Variants in UST observed in about 807,000 individuals in gnomAD.
The protein encoded by UST is uronyl 2-sulfotransferase.
In UST, 21 loss-of-function variants were observed where a neutral mutation model predicts 45.6. The ratio of observed to expected loss-of-function variants is 0.46; its 90% CI spans 0.33 to 0.66. The LOEUF (loss-of-function observed/expected upper bound fraction) is 0.66, where lower values mean the gene tolerates loss of function less well. Ranked by LOEUF, UST falls within the 30% of genes least tolerant of loss-of-function variation. UST has a pLI of 0.02. For missense variants in UST, 463 were observed against 512.4 expected, an observed-to-expected ratio of 0.90 and a Z score of 0.93; for synonymous variants, 215 against 200.6, an observed-to-expected ratio of 1.07 and a Z score of -0.61.
At chr6:148,880,015 C>CA (rs1778795033) in intron 1 of UST, among the ~76,000 whole-genome samples, 1 of 144,592 alleles carries the variant, frequency 6.9e-6, no homozygotes, top group Non-Finnish European at 1.5e-5. Context: ...TGTGCAGTGG[C>CA]ACGATCTCAG....
intron 1 of UST, among the ~76,000 whole-genome samples, chr6:148,749,594 G>C (rs1298479697): frequency 3.9e-5 from 6 of 152,200 alleles, no homozygotes; most frequent in Admixed American, 2.0e-4. Flanking sequence ...AAGTTTTGGG[G>C]TTCTGACACC....
chr6:148,854,511 T>G (rs1413545657), intron 1 of UST, among the ~76,000 whole-genome samples: 1 of 152,230 alleles, frequency 6.6e-6, no homozygotes, highest in African/African-American at 2.4e-5. Flanking sequence ...CAGTATACTG[T>G]CTACAGAAAC....
chr6:149,062,096 G>A (rs1209289535), intron 7 of UST, among the ~76,000 whole-genome samples: 1 of 152,234 alleles, frequency 6.6e-6, no homozygotes, highest in Non-Finnish European at 1.5e-5. Flanking sequence ...AGCTATTTGT[G>A]TTTGTGGTGA....
intron 7 of UST, among the ~76,000 whole-genome samples, chr6:149,037,323 C>G (rs1776252437): frequency 6.6e-6 from 1 of 152,164 alleles, no homozygotes; most frequent in African/African-American, 2.4e-5. Context: ...AGTTTTTTCC[C>G]CTCTCTAAAT....
At chr6:148,835,438 T>A (rs1355003239) in intron 1 of UST, among the ~76,000 whole-genome samples, 1 of 152,200 alleles carries the variant, frequency 6.6e-6, no homozygotes, top group Non-Finnish European at 1.5e-5. Context: ...GGCAGTAGCC[T>A]AGTAAGCTTT....
chr6:148,886,547 A>G (rs964897679), intron 1 of UST, among the ~76,000 whole-genome samples: 2 of 152,340 alleles, frequency 1.3e-5, no homozygotes, highest in African/African-American at 4.8e-5. Flanking sequence ...GAAAGAGAGT[A>G]TGGGGTTCAG....
chr6:149,003,211 A>G (rs1240442663), intron 5 of UST, among the ~76,000 whole-genome samples: 2 of 152,194 alleles, frequency 1.3e-5, no homozygotes, highest in Non-Finnish European at 2.9e-5. Flanking sequence ...CTGTATTAGA[A>G]TAGTATGGTT....
At chr6:148,813,536 C>T (rs768036069) in intron 1 of UST, among the ~76,000 whole-genome samples, 4 of 152,052 alleles carry the variant, frequency 2.6e-5, no homozygotes, top group East Asian at 1.9e-4. Context: ...CGCCTGCCAC[C>T]GTGCCTGGCT....
intron 1 of UST, among the ~76,000 whole-genome samples, chr6:148,810,763 A>C (rs909955181): frequency 1.3e-5 from 2 of 152,200 alleles, no homozygotes; most frequent in Non-Finnish European, 2.9e-5. Flanking sequence ...AATTATTACT[A>C]CCAGCACCAT....
At chr6:148,865,688 GTGTGTGTGTGTGTGTGTGTGTGTGT>G (rs1402912492) in intron 1 of UST, among the ~76,000 whole-genome samples, 61 of 151,336 alleles carry the variant, frequency 4.0e-4, no homozygotes, top group Non-Finnish European at 6.5e-4. Flanking sequence ...GTGTGTGTGT[GTGTGTGTGTGTGTGTGTGTGTGTGT>G]GAATTCAGAG....
chr6:149,005,907 A>G (rs898783028), intron 5 of UST, among the ~76,000 whole-genome samples: 1 of 152,152 alleles, frequency 6.6e-6, no homozygotes, highest in Admixed American at 6.5e-5. Flanking sequence ...CACCCAGGAC[A>G]GCGGCAGATT....
chr6:148,885,849 A>G (rs1467984954), intron 1 of UST, among the ~76,000 whole-genome samples: 2 of 152,192 alleles, frequency 1.3e-5, no homozygotes, highest in Non-Finnish European at 2.9e-5. Context: ...ATCCACTCAG[A>G]CTAAGACACT....
chr6:148,851,533 G>A (rs1235387632), intron 1 of UST, among the ~76,000 whole-genome samples: 2 of 152,066 alleles, frequency 1.3e-5, no homozygotes, highest in Non-Finnish European at 2.9e-5. Context: ...TACATATAAT[G>A]TATATCTCTA....
intron 1 of UST, among the ~76,000 whole-genome samples, chr6:148,768,429 C>G (rs1054875174): frequency 2.6e-5 from 4 of 151,840 alleles, no homozygotes; most frequent in African/African-American, 9.7e-5. Context: ...TTTATTTGTC[C>G]TTTTGTTCTA....
At chr6:148,828,992 G>A (rs1345067953) in intron 1 of UST, among the ~76,000 whole-genome samples, 2 of 152,174 alleles carry the variant, frequency 1.3e-5, no homozygotes, top group African/African-American at 4.8e-5. Context: ...GGAACAAGCA[G>A]GAATTGCTCA....
intron 1 of UST, among the ~76,000 whole-genome samples, chr6:148,820,140 G>GA (rs1777428928): frequency 6.6e-6 from 1 of 152,170 alleles, no homozygotes; most frequent in Non-Finnish European, 1.5e-5. Context: ...ACAACCGTTT[G>GA]AGGATATCGA....
At chr6:148,781,984 A>T (rs563574811) in intron 1 of UST, among the ~76,000 whole-genome samples, 13 of 152,254 alleles carry the variant, frequency 8.5e-5, no homozygotes, top group Non-Finnish European at 1.9e-4. Flanking sequence ...GAGATGTACA[A>T]GGAGATTAAT....
chr6:148,747,638 G>A lies in UST; in HGVS notation c.208G>A (p.Gly70Arg). The A allele has an allele frequency of 5.0e-6, 8 of 1,599,700 alleles. No individual in the cohort carries two copies. The highest frequency in any genetic ancestry group is 6.8e-6 in the Non-Finnish European group (8 of 1,174,660). ...LGSLLYQLSG[G>R]PPRFLLDLRQ... is the part of the protein sequence containing the mutation. ...CTCCCTCCTCTATCAGCTCAGCGGGGGACCCCCTCGCTTCCTGCTCGACCT... is the reference window on the plus strand; with the variant it reads ...CTCCCTCCTCTATCAGCTCAGCGGGAGACCCCCTCGCTTCCTGCTCGACCT... The change falls in exon 1 of 8, where the codon GGA becomes AGA. Residue 70 changes from glycine (G) to arginine (R), a missense_variant. Gly to Arg is a moderately radical substitution (Grantham distance 125). Transcript: ENST00000367463.
chr6:149,052,609 TCTC>T (rs1776504499), intron 7 of UST, among the ~76,000 whole-genome samples: 3 of 152,086 alleles, frequency 2.0e-5, no homozygotes, highest in African/African-American at 7.2e-5. Context: ...TCTCTCTCTC[TCTC>T]TCTGAAAAGG....
Sources: allele counts gnomAD v4.1 joint callset (sites outside exome capture counted in the v4.1 genomes callset), GRCh38; gene constraint gnomAD v4.1.1; transcripts MANE v1.5; gene names NCBI Gene and HGNC (gene_info 2026-07-23, HGNC 2026-07-21).